SHISA6: variants seen among roughly 807,000 people sequenced by gnomAD.
SHISA6 encodes the protein shisa family member 6.
A neutral mutation model predicts 47.9 loss-of-function variants in SHISA6; 22 were observed. That is an observed-to-expected ratio of 0.46 (90% CI 0.33 to 0.66). SHISA6 has a LOEUF of 0.66. SHISA6 is among the 30% of genes least tolerant of loss of function. The probability of loss-of-function intolerance (pLI) is 0.02; values close to 1 mark genes in which losing one functional copy is unlikely to be tolerated. For missense variants in SHISA6, 680 were observed against 764.6 expected (o/e 0.89, Z 1.30); for synonymous variants, 388 against 337.8 (o/e 1.15, Z -1.63).
chr17:11,361,828 A>G (rs2142230040), intron 2 of SHISA6, among the ~76,000 whole-genome samples: 1 of 152,350 alleles, frequency 6.6e-6, no homozygotes, highest in South Asian at 2.1e-4. Context: ...CTTGCTGCAC[A>G]GTAAGTAGTA....
At chr17:11,393,259 C>A (rs1597490865) in intron 3 of SHISA6, among the ~76,000 whole-genome samples, 2 of 152,196 alleles carry the variant, frequency 1.3e-5, no homozygotes, top group East Asian at 3.9e-4. Context: ...TGCACACTAT[C>A]CTTGACATCT....
intron 4 of SHISA6, among the ~76,000 whole-genome samples, chr17:11,555,168 C>T (rs78159570): frequency 0.013 from 1,954 of 152,056 alleles, 55 homozygotes; most frequent in African/African-American, 0.042. Flanking sequence ...CTCACTGTGG[C>T]TTGTCAGGTG....
chr17:11,491,768 G>GTTTTTTTTTTTTTTTTTTTTTTTTT (rs768280409), intron 3 of SHISA6, among the ~76,000 whole-genome samples: 1 of 107,884 alleles, frequency 9.3e-6, no homozygotes, highest in Non-Finnish European at 2.0e-5. Flanking sequence ...AGCTGGTGAA[G>GTTTTTTTTTTTTTTTTTTTTTTTTT]TGTTTTTTTT....
Position 11,257,250 on chromosome 17 carries a change from T to G in SHISA6, c.639-6116T>G, listed in dbSNP as rs1347278818. ...TGGTCCATGTTTGTTAAAAATACAT[T>G]CATTTCAATTGTCCTGGCTACATAT... On this transcript the variant is annotated intron_variant, in intron 1 of 5. Coordinates refer to ENST00000441885, the MANE Select transcript of SHISA6 (RefSeq NM_207386.4). Among the ~76,000 whole-genome samples, 5 of 152,170 alleles carry G rather than the reference T, an allele frequency of 3.3e-5. No individual in the cohort carries two copies. In the East Asian group the frequency reaches 9.6e-4, roughly 29 times the overall value.
At position 11,496,005 on chromosome 17, in the gene SHISA6, C is replaced by CCATG. The variant is rs1448360099; in HGVS notation, c.896-55888_896-55887insGCAT. ...TCTATTTATCCATTCATCCATCCAT[C>CCATG]CATCCATCCATCCATCCATCCATCC... On this transcript the variant is annotated intron_variant, in intron 3 of 5. Transcript: ENST00000441885. 4.0e-5 allele frequency among the ~76,000 whole-genome samples: 6 copies of CCATG among 151,824 alleles called. No individual in the cohort carries two copies. In the East Asian group the frequency reaches 5.8e-4, roughly 15 times the overall value.
intron 3 of SHISA6, among the ~76,000 whole-genome samples, chr17:11,547,826 G>GA (rs1469819934): frequency 1.3e-5 from 2 of 152,178 alleles, no homozygotes; most frequent in Non-Finnish European, 2.9e-5. Context: ...AGAAGATTAA[G>GA]AAGAAAAGCG....
chr17:11,425,740 A>G (rs1378885170), intron 3 of SHISA6, among the ~76,000 whole-genome samples: 1 of 152,192 alleles, frequency 6.6e-6, no homozygotes, highest in Non-Finnish European at 1.5e-5. Flanking sequence ...CTTCAGTTAC[A>G]TTGGCTTTCT....
At chr17:11,304,678 A>G (rs919465212) in intron 2 of SHISA6, among the ~76,000 whole-genome samples, 1 of 152,086 alleles carries the variant, frequency 6.6e-6, no homozygotes, top group Admixed American at 6.5e-5. Flanking sequence ...CCAAGGAAGG[A>G]GTGCCAGTGA....
intron 2 of SHISA6, among the ~76,000 whole-genome samples, chr17:11,344,040 C>G (rs930052993): frequency 1.9e-4 from 29 of 152,116 alleles, no homozygotes; most frequent in African/African-American, 6.5e-4. Context: ...AAAGTGGTGT[C>G]TTATAGTGGT....
chr17:11,332,764 T>G (rs1911169296), intron 2 of SHISA6, among the ~76,000 whole-genome samples: 1 of 152,140 alleles, frequency 6.6e-6, no homozygotes, highest in Admixed American at 6.5e-5. Context: ...ATCAGATCTG[T>G]TGTGAACCCA....
At chr17:11,503,508 C>T (rs943078134) in intron 3 of SHISA6, among the ~76,000 whole-genome samples, 7 of 152,144 alleles carry the variant, frequency 4.6e-5, no homozygotes, top group Non-Finnish European at 7.4e-5. Flanking sequence ...TCCCATTGTC[C>T]ATACTGACTC....
intron 3 of SHISA6, among the ~76,000 whole-genome samples, chr17:11,498,735 G>T (rs1466905753): frequency 6.6e-6 from 1 of 152,182 alleles, no homozygotes; most frequent in Non-Finnish European, 1.5e-5. Flanking sequence ...GAAGGGCTTG[G>T]ACTGTGGAGC....
intron 3 of SHISA6, among the ~76,000 whole-genome samples, chr17:11,462,892 T>C (rs1915725505): frequency 6.6e-6 from 1 of 152,236 alleles, no homozygotes; most frequent in South Asian, 2.1e-4. Flanking sequence ...CCTCCCAAAG[T>C]GCTGGGATTA....
intron 2 of SHISA6, among the ~76,000 whole-genome samples, chr17:11,376,514 C>T (rs547311332): frequency 2.6e-5 from 4 of 152,050 alleles, no homozygotes; most frequent in Middle Eastern, 3.4e-3. Context: ...TTAGTAAAGA[C>T]GGGGTTTTGC....
intron 5 of SHISA6, among the ~76,000 whole-genome samples, chr17:11,557,486 G>A (rs1401887441): frequency 6.6e-6 from 1 of 152,180 alleles, no homozygotes. Flanking sequence ...TTACCTGGGA[G>A]CTTGTTAGAG....
intron 3 of SHISA6, among the ~76,000 whole-genome samples, chr17:11,462,187 G>A (rs1915708636): frequency 6.6e-6 from 1 of 152,162 alleles, no homozygotes; most frequent in Non-Finnish European, 1.5e-5. Flanking sequence ...TCTTGCTTCT[G>A]TCCTCTCTGG....
chr17:11,402,216 A>T (rs1371337755), intron 3 of SHISA6, among the ~76,000 whole-genome samples: 1 of 152,088 alleles, frequency 6.6e-6, no homozygotes, highest in Non-Finnish European at 1.5e-5. Flanking sequence ...CATACTTCAA[A>T]TGGGTGTTGG....
At chr17:11,394,864 C>T (rs893896830) in intron 3 of SHISA6, among the ~76,000 whole-genome samples, 3 of 151,756 alleles carry the variant, frequency 2.0e-5, no homozygotes, top group Non-Finnish European at 4.4e-5. Flanking sequence ...ATAATATATA[C>T]ACAAATATAC....
rs1301551113 is a variant in SHISA6 at position 11,508,602 on chromosome 17, C to A, written c.896-43294C>A. ...TTCCCACCTCTCCCCTGCCAGTGCT[C>A]CCAGGTCATTTCTCCTTGGGGGTGC... On this transcript the variant is annotated intron_variant, in intron 3 of 5. Transcript: ENST00000441885. 2.3e-5 allele frequency among the ~76,000 whole-genome samples: 3 copies of A among 127,946 alleles called. No homozygotes were observed. The East Asian group carries it at 8.9e-4, about 38-fold the overall frequency. 83.9% of individuals were successfully genotyped at this position (127,946 alleles called of 152,430 possible).
Sources: allele counts gnomAD v4.1 joint callset (sites outside exome capture counted in the v4.1 genomes callset), GRCh38; gene constraint gnomAD v4.1.1; transcripts MANE v1.5; gene names NCBI Gene and HGNC (gene_info 2026-07-23, HGNC 2026-07-21).